TBL1XR1: variants seen among roughly 807,000 people sequenced by gnomAD.
The protein encoded by TBL1XR1 is TBL1X/Y related 1.
TBL1XR1 carries 5 observed loss-of-function variants against 66.9 expected under a neutral mutation model. The observed-to-expected ratio is 0.07, with a 90% CI of 0.04 to 0.16. TBL1XR1 has a LOEUF of 0.16. Ranked by LOEUF, TBL1XR1 falls within the 10% of genes least tolerant of loss-of-function variation. The probability of loss-of-function intolerance (pLI) is 1.00; values close to 1 mark genes in which losing one functional copy is unlikely to be tolerated. For missense variants in TBL1XR1, 238 were observed against 623.2 expected (o/e 0.38, Z 6.58); for synonymous variants, 210 against 206.0 (o/e 1.02, Z -0.17).
chr3:177,194,499 C>G (rs1054311725), intron 1 of TBL1XR1, among the ~76,000 whole-genome samples: 1 of 152,138 alleles, frequency 6.6e-6, no homozygotes, highest in Non-Finnish European at 1.5e-5. Flanking sequence ...ATTATTTCAA[C>G]CAACTTCATC....
intron 10 of TBL1XR1, among the ~76,000 whole-genome samples, chr3:177,039,095 C>T (rs1210671814): frequency 6.6e-6 from 1 of 152,064 alleles, no homozygotes; most frequent in Non-Finnish European, 1.5e-5. Flanking sequence ...ATAATGATGC[C>T]ATCTGGCTAT....
At chr3:177,163,214 GAA>G (rs987797464) in intron 1 of TBL1XR1, among the ~76,000 whole-genome samples, 6 of 151,582 alleles carry the variant, frequency 4.0e-5, no homozygotes, top group Admixed American at 1.3e-4. Flanking sequence ...CCATTTAAAA[GAA>G]AAAAAAGAGG....
At chr3:177,064,286 C>T (rs1423852056) in intron 3 of TBL1XR1, among the ~76,000 whole-genome samples, 1 of 152,158 alleles carries the variant, frequency 6.6e-6, no homozygotes, top group South Asian at 2.1e-4. Flanking sequence ...TATACCTCCA[C>T]CCATACCCAA....
rs1402260645 is a variant in TBL1XR1 at position 177,024,277 on chromosome 3, A to G, written c.*1221T>C. On this transcript the variant is annotated 3_prime_UTR_variant, in exon 16 of 16. Transcript: ENST00000457928. ...CCTTGAAGCAAGTCTTTTGTTTGAG[A>G]TTGTTTTTTAAACTAAGGTAGCAAA... 6.6e-6 allele frequency: 1 copy of G among 152,548 alleles called. No individual in the cohort carries two copies. The highest frequency in any genetic ancestry group is 1.5e-5 in the Non-Finnish European group (1 of 67,980). The allele number at this position is 152,548 out of a possible 1,614,324, so 9.4% of individuals were successfully genotyped here.
intron 10 of TBL1XR1, among the ~76,000 whole-genome samples, chr3:177,040,044 T>G (rs2129017): frequency 0.25 from 37,463 of 152,086 alleles, 4,964 homozygotes; most frequent in East Asian, 0.5. Context: ...GAGTTAAAGT[T>G]GAGCTGTGTG....
chr3:177,126,136 T>C (rs1401145777), intron 1 of TBL1XR1: 1 of 152,204 alleles, frequency 6.6e-6, no homozygotes, highest in Non-Finnish European at 1.5e-5. Context: ...ACCGCATTTT[T>C]AAAAAGGTAG....
At chr3:177,107,844 CTCAG>C (rs1288756022) in intron 1 of TBL1XR1, among the ~76,000 whole-genome samples, 1 of 152,200 alleles carries the variant, frequency 6.6e-6, no homozygotes, top group Non-Finnish European at 1.5e-5. Flanking sequence ...CATCTTACTT[CTCAG>C]TCATTGGCAC....
chr3:177,096,335 T>TACACACACACACACACACACACAC (rs6148210), intron 2 of TBL1XR1, among the ~76,000 whole-genome samples: 1 of 150,312 alleles, frequency 6.7e-6, no homozygotes, highest in African/African-American at 2.4e-5. Context: ...CATACATACA[T>TACACACACACACACACACACACAC]ACACACACAC....
At chr3:177,125,716 G>A (rs1727534523) in intron 1 of TBL1XR1, among the ~76,000 whole-genome samples, 1 of 151,964 alleles carries the variant, frequency 6.6e-6, no homozygotes, top group Admixed American at 6.6e-5. Flanking sequence ...AGAAGTGCTG[G>A]CAATTTTCTT....
At chr3:177,056,057 T>C (rs996402931) in intron 3 of TBL1XR1, among the ~76,000 whole-genome samples, 11 of 152,158 alleles carry the variant, frequency 7.2e-5, no homozygotes, top group South Asian at 2.1e-4. Flanking sequence ...TGTTTCCTGA[T>C]AGAAAGTAAA....
At chr3:177,046,619 C>CT (rs1716358678) in intron 9 of TBL1XR1, among the ~76,000 whole-genome samples, 1 of 152,188 alleles carries the variant, frequency 6.6e-6, no homozygotes, top group Admixed American at 6.5e-5. Context: ...TTTGGCAGTA[C>CT]TTAAAGCAAG....
chr3:177,065,127 A>ACCTT, intron 2 of TBL1XR1, 105 bp from the exon 3 acceptor site: 3 of 703,338 alleles, frequency 4.3e-6, no homozygotes, highest in East Asian at 3.4e-5. Context: ...TGTAAAACGA[A>ACCTT]GGTTCTACAT....
chr3:177,114,252 CATAT>C (rs1334694116), intron 1 of TBL1XR1, among the ~76,000 whole-genome samples: 13 of 150,858 alleles, frequency 8.6e-5, no homozygotes, highest in Non-Finnish European at 1.5e-4. Flanking sequence ...ATATACATCT[CATAT>C]ATATAATCAT....
intron 2 of TBL1XR1, among the ~76,000 whole-genome samples, chr3:177,076,404 G>C (rs1720710202): frequency 6.6e-6 from 1 of 152,060 alleles, no homozygotes; most frequent in East Asian, 1.9e-4. Flanking sequence ...TTTTTTATAA[G>C]GACTCCAATC....
chr3:177,098,301 T>C (rs1723753231), intron 2 of TBL1XR1, among the ~76,000 whole-genome samples, 165 bp downstream of exon 2: 1 of 152,050 alleles, frequency 6.6e-6, no homozygotes, highest in Admixed American at 6.5e-5. Context: ...TTTAAATACT[T>C]TAAACTACAT....
intron 1 of TBL1XR1, among the ~76,000 whole-genome samples, chr3:177,153,957 T>A (rs1447125837): frequency 6.7e-6 from 1 of 149,836 alleles, no homozygotes; most frequent in African/African-American, 2.5e-5. Flanking sequence ...AAGACAATAG[T>A]AGAAATAATA....
At chr3:177,149,774 A>G (rs1213917879) in intron 1 of TBL1XR1, among the ~76,000 whole-genome samples, 2 of 152,206 alleles carry the variant, frequency 1.3e-5, no homozygotes, top group South Asian at 2.1e-4. Context: ...AATGTATCAT[A>G]AATAAAACAT....
chr3:177,104,679 T>C (rs1724653478), intron 1 of TBL1XR1, among the ~76,000 whole-genome samples: 1 of 152,208 alleles, frequency 6.6e-6, no homozygotes, highest in Non-Finnish European at 1.5e-5. Context: ...CTGACACCAA[T>C]TTTTAAAAAT....
chr3:177,123,989 A>T (rs762947259), intron 1 of TBL1XR1, among the ~76,000 whole-genome samples: 1 of 152,088 alleles, frequency 6.6e-6, no homozygotes, highest in African/African-American at 2.4e-5. Flanking sequence ...GTTAGAGGAT[A>T]CTTTAATGTT....
Sources: allele counts gnomAD v4.1 joint callset (sites outside exome capture counted in the v4.1 genomes callset), GRCh38; gene constraint gnomAD v4.1.1; transcripts MANE v1.5; gene names NCBI Gene and HGNC (gene_info 2026-07-23, HGNC 2026-07-21).